The following RORB variants were observed in gnomAD, a reference collection of about 807,000 sequenced individuals.
RORB encodes RAR related orphan receptor B, also known as nuclear receptor ROR-beta.
Under a neutral mutation model 59.1 loss-of-function variants are expected in RORB, and 6 were observed. That is an observed-to-expected ratio of 0.10 (90% CI 0.06 to 0.20). The LOEUF is 0.20. RORB is among the 10% of genes least tolerant of loss of function. The pLI, the probability that RORB is intolerant of heterozygous loss-of-function variation, is 1.00. For synonymous variants in RORB, 215 were observed against 204.5 expected (o/e 1.05, Z -0.44); for missense variants, 320 against 560.5 (o/e 0.57, Z 4.33).
rs138013333 is a variant in RORB, at chr9:74,662,518, C to G, written c.804C>G (p.His268Gln). The G allele has an allele frequency of 7.4e-6, 12 of 1,613,910 alleles. No homozygotes were observed. The highest frequency in any genetic ancestry group is 1.0e-5 in the Non-Finnish European group (12 of 1,179,912). The stretch of plus-strand genomic sequence containing the variant: ...AACAATGTGCCATCCAGATCACTCA[C>G]GCCATCCAATACGTGGTGGAGTTTG... The part of the protein sequence containing the change: ...LWQQCAIQIT[H>Q]AIQYVVEFAK... The change falls in exon 6 of 10, where the codon CAC becomes CAG. Residue 268 changes from histidine to glutamine, a missense_variant. Physicochemically the swap from His to Gln is conservative, Grantham distance 24. Coordinates refer to ENST00000376896, the MANE Select transcript of RORB (RefSeq NM_006914.4).
intron 1 of RORB, among the ~76,000 whole-genome samples, chr9:74,546,986 C>T (rs527517223): frequency 8.6e-5 from 13 of 151,940 alleles, no homozygotes; most frequent in African/African-American, 1.5e-4. Flanking sequence ...CCCAGCTACT[C>T]GGGAGGCTGA....
rs1365082647 is a variant in RORB at position 74,689,604 on chromosome 9, C to G, written c.*3986C>G. 1 of 152,194 alleles carries G rather than the reference C, an allele frequency of 6.6e-6. No homozygotes were observed. Among genetic ancestry groups the G allele is most frequent in the Non-Finnish European group, 1.5e-5 (1 of 68,032 alleles). 9.4% of individuals were successfully genotyped at this position (152,194 alleles called of 1,614,324 possible). On this transcript the variant is annotated 3_prime_UTR_variant, in exon 10 of 10. Coordinates refer to ENST00000376896, the MANE Select transcript of RORB (RefSeq NM_006914.4). ...TGGTAGATTCCAAGAGATCTTAAATCATAATAAACTCTGAATATTAACAAG... is the reference window on the plus strand; with the variant it reads ...TGGTAGATTCCAAGAGATCTTAAATGATAATAAACTCTGAATATTAACAAG...
chr9:74,589,974 C>A (rs1284118637), intron 1 of RORB, among the ~76,000 whole-genome samples: 2 of 152,200 alleles, frequency 1.3e-5, no homozygotes, highest in African/African-American at 4.8e-5. Flanking sequence ...AATTCCACCT[C>A]CTCCATTCAC....
At chr9:74,676,218 C>A (rs746091751) in intron 9 of RORB, among the ~76,000 whole-genome samples, 19 of 152,134 alleles carry the variant, frequency 1.2e-4, no homozygotes, top group Non-Finnish European at 2.4e-4. Context: ...CAGTCTAGCC[C>A]CTCCTTTTGT....
chr9:74,582,861 G>T (rs1822744793), intron 1 of RORB, among the ~76,000 whole-genome samples: 1 of 152,112 alleles, frequency 6.6e-6, no homozygotes, highest in Non-Finnish European at 1.5e-5. Context: ...TCTGAGTAGT[G>T]TATCTTGCAA....
rs778561951 is a variant in RORB, at chr9:74,592,036, G to A, written c.8-38246G>A. Among the ~76,000 whole-genome samples the A allele has an allele frequency of 7.2e-5, 11 of 151,862 alleles. No homozygotes were observed. In the East Asian group the frequency reaches 1.4e-3, roughly 19 times the overall value. Reference sequence around the variant, plus strand: ...TGGACTGCTTTTTCTTTTTGGTTTCGCAAAATAGGAAGTAGATGACTGTTT... The same window carrying A: ...TGGACTGCTTTTTCTTTTTGGTTTCACAAAATAGGAAGTAGATGACTGTTT... On this transcript the variant is annotated intron_variant, in intron 1 of 9. Transcript: ENST00000376896.
At position 74,642,500 on chromosome 9, in the gene RORB, C is replaced by T; in HGVS notation, c.322C>T (p.Arg108Trp). The T allele has an allele frequency of 4.3e-6, 7 of 1,614,156 alleles. No individual in the cohort carries two copies. The highest frequency in any genetic ancestry group is 5.9e-6 in the Non-Finnish European group (7 of 1,180,004). ...GCACCAGCAGCGGCTGCAGGAACAGCGGCAGCAGCAGAGTGGGGAGGCAGA... is the reference window on the plus strand; with the variant it reads ...GCACCAGCAGCGGCTGCAGGAACAGTGGCAGCAGCAGAGTGGGGAGGCAGA... ...QKHQQRLQEQ[R>W]QQQSGEAEAL... Residue 108 changes from arginine to tryptophan, a missense_variant, in exon 4 of 10, where the codon CGG (arginine) becomes TGG (tryptophan). This residue lies in a region of RORB where 134 missense variants were observed against 156.2 expected (regional missense o/e 0.86). Coordinates refer to ENST00000376896, the MANE Select transcript of RORB (RefSeq NM_006914.4).
chr9:74,553,553 AT>A (rs1236768350), intron 1 of RORB, among the ~76,000 whole-genome samples: 1 of 149,702 alleles, frequency 6.7e-6, no homozygotes, highest in African/African-American at 2.5e-5. Context: ...GTGAGGTGAA[AT>A]TTATGTCAAA....
At position 74,689,527 on chromosome 9, in the gene RORB, T is replaced by C. The variant is rs1272310676; in HGVS notation, c.*3909T>C. On this transcript the variant is annotated 3_prime_UTR_variant, in exon 10 of 10. Coordinates refer to ENST00000376896, the MANE Select transcript of RORB (RefSeq NM_006914.4). ...TCAGGGCTCTGGACTAAAGTACCTCTGAGTAGGTAAAATCAGAGAATATAA... is the reference window on the plus strand; with the variant it reads ...TCAGGGCTCTGGACTAAAGTACCTCCGAGTAGGTAAAATCAGAGAATATAA... 6.6e-6 allele frequency: 1 copy of C among 152,248 alleles called. No homozygotes were observed. The highest frequency in any genetic ancestry group is 6.5e-5 in the Admixed American group (1 of 15,286). The allele number at this position is 152,248 out of a possible 1,614,324, so 9.4% of individuals were successfully genotyped here.
rs1020687281 is a variant in RORB, at chr9:74,688,750, C to A, written c.*3132C>A. 1 of 152,164 alleles carries A rather than the reference C, an allele frequency of 6.6e-6. No homozygotes were observed. Among genetic ancestry groups the A allele is most frequent in the East Asian group, 1.9e-4 (1 of 5,190 alleles). 9.4% of individuals were successfully genotyped at this position (152,164 alleles called of 1,614,324 possible). ...CATAAACTAGATTGACTTATTTGGA[C>A]TTGCTGAAAAGTTGCACCCAAGTAA... On this transcript the variant is annotated 3_prime_UTR_variant, in exon 10 of 10. Transcript: ENST00000376896.
At position 74,616,968 on chromosome 9, in the gene RORB, T is replaced by G. The variant is rs78376631; in HGVS notation, c.8-13314T>G. On this transcript the variant is annotated intron_variant, in intron 1 of 9. Transcript: ENST00000376896. ...AATTTTAGTGGAATTAAAATGAATA[T>G]CCCAAATTAAAGCTGTAGCTTTAAA... 1.7e-3 allele frequency among the ~76,000 whole-genome samples: 258 copies of G among 149,720 alleles called. 8 individuals are homozygous for G. The East Asian group carries it at 0.046, about 27-fold the overall frequency.
intron 1 of RORB, among the ~76,000 whole-genome samples, chr9:74,551,522 T>A (rs1475647601): frequency 6.6e-6 from 1 of 152,198 alleles, no homozygotes; most frequent in Non-Finnish European, 1.5e-5. Context: ...TTCAACACAC[T>A]ACTTAAACCT....
intron 4 of RORB, 88 bp from the exon 5 acceptor site, chr9:74,660,529 A>G: frequency 7.9e-7 from 1 of 1,260,824 alleles, no homozygotes; most frequent in Non-Finnish European, 1.1e-6. Flanking sequence ...GAGTATCTCC[A>G]AAAGGCATTC....
intron 1 of RORB, among the ~76,000 whole-genome samples, chr9:74,626,320 C>T: frequency 6.6e-6 from 1 of 152,106 alleles, no homozygotes; most frequent in East Asian, 1.9e-4. Flanking sequence ...TTAAATCTTT[C>T]ATGACACTCT....
chr9:74,603,427 G>T (rs1328743257), intron 1 of RORB, among the ~76,000 whole-genome samples: 2 of 152,242 alleles, frequency 1.3e-5, no homozygotes, highest in East Asian at 3.9e-4. Flanking sequence ...TGATTCTGTT[G>T]ACTAAGGATG....
chr9:74,660,557 A>G (rs1184265839), intron 4 of RORB, 60 bp from the exon 5 acceptor site: 1 of 1,515,966 alleles, frequency 6.6e-7, no homozygotes, highest in African/African-American at 1.4e-5. Context: ...AAACACATTA[A>G]AAGCTAATGA....
chr9:74,627,808 A>C (rs984652824), intron 1 of RORB, among the ~76,000 whole-genome samples: 5 of 152,104 alleles, frequency 3.3e-5, no homozygotes, highest in Admixed American at 6.6e-5. Flanking sequence ...AAAAAAAAAA[A>C]CCATAGTACA....
At position 74,630,134 on chromosome 9, in the gene RORB, T is replaced by TA. The variant is rs1441653942; in HGVS notation, c.8-147dup. 9.7e-6 allele frequency: 9 copies of TA among 926,870 alleles called. No individual in the cohort carries two copies. In the African/African-American group the frequency reaches 1.0e-4, roughly 10 times the overall value. The allele number at this position is 926,870 out of a possible 1,614,324, so 57.4% of individuals were successfully genotyped here. A position where few individuals can be genotyped will look rare whatever the true frequency, so the allele number is the denominator to read the frequency against. ...AAGAAGCTTAGGACAGCCATGCAAATACTAATGGATGACTCCCACACCACC... is the reference window on the plus strand; with the variant it reads ...AAGAAGCTTAGGACAGCCATGCAAATAACTAATGGATGACTCCCACACCACC... On this transcript the variant is annotated intron_variant, in intron 1 of 9. Coordinates refer to ENST00000376896, the MANE Select transcript of RORB (RefSeq NM_006914.4).
intron 7 of RORB, 40 bp from the exon 8 acceptor site, chr9:74,667,751 G>T: frequency 7.8e-7 from 1 of 1,275,898 alleles, no homozygotes; most frequent in Non-Finnish European, 1.1e-6. Context: ...CCCATTTCAA[G>T]TTCAAGTATT....
Sources: allele counts gnomAD v4.1 joint callset (sites outside exome capture counted in the v4.1 genomes callset), GRCh38; gene constraint gnomAD v4.1.1; regional missense constraint gnomAD v4.1.1; transcripts MANE v1.5; gene names NCBI Gene and HGNC (gene_info 2026-07-23, HGNC 2026-07-21).